CREB3L1: variants seen among roughly 807,000 people sequenced by gnomAD.
CREB3L1 encodes the protein cyclic AMP-responsive element-binding protein 3-like protein 1.
CREB3L1 carries 33 observed loss-of-function variants against 54.5 expected under a neutral mutation model. That is an observed-to-expected ratio of 0.61 (90% CI 0.46 to 0.81). The LOEUF (loss-of-function observed/expected upper bound fraction) is 0.81, where lower values mean the gene tolerates loss of function less well. CREB3L1 is among the 30% of genes least tolerant of loss of function. CREB3L1 has a pLI of 0.00. For missense variants in CREB3L1, 656 were observed against 673.3 expected (o/e 0.97, Z 0.29); for synonymous variants, 284 against 286.4 (o/e 0.99, Z 0.08).
Position 46,294,654 on chromosome 11 carries a change from A to G in CREB3L1, c.103-5281A>G, listed in dbSNP as rs571566167. On this transcript the variant is annotated intron_variant, in intron 1 of 11. Transcript: ENST00000621158. ...GTAGGAACCCCAGCTACTGGATGGC[A>G]ATGCTTAAGGACAGGGGGGTCTGCT... is the stretch of plus-strand genomic sequence containing the variant. Among the ~76,000 whole-genome samples the G allele has an allele frequency of 7.5e-5, 11 of 146,424 alleles. No individual in the cohort carries two copies. The East Asian group carries it at 1.6e-3, about 21-fold the overall frequency.
chr11:46,300,608 C>T (rs1939282705), intron 2 of CREB3L1, among the ~76,000 whole-genome samples: 1 of 152,206 alleles, frequency 6.6e-6, no homozygotes, highest in Non-Finnish European at 1.5e-5. Context: ...GTGGCTCACG[C>T]TTGTAATCCC....
chr11:46,289,892 T>A (rs1174471844), intron 1 of CREB3L1, among the ~76,000 whole-genome samples: 1 of 152,114 alleles, frequency 6.6e-6, no homozygotes, highest in Non-Finnish European at 1.5e-5. Flanking sequence ...GGTCACCAGC[T>A]CCTCTGAAGG....
At position 46,311,171 on chromosome 11, in the gene CREB3L1, A is replaced by G. The variant is rs745598774; in HGVS notation, c.735A>G (p.Pro245=). The G allele has an allele frequency of 7.2e-5, 115 of 1,587,784 alleles. No individual in the cohort carries two copies. Among genetic ancestry groups the G allele is most frequent in the Non-Finnish European group, 9.2e-5 (108 of 1,171,546 alleles). The part of the protein sequence containing the change: ...ARSSTAISTS[P]LLTAPHKLQG... ...CCTCCACGGCCATCTCCACCTCCCC[A>G]CTCCTCACTGCCCCTCACGTAAGGA... Residue 245 remains proline (P), a synonymous_variant, in exon 5 of 12, where the codon CCA becomes CCG. Transcript: ENST00000621158.
intron 1 of CREB3L1, among the ~76,000 whole-genome samples, chr11:46,290,483 C>T (rs569453759): frequency 2.6e-5 from 4 of 152,164 alleles, no homozygotes; most frequent in African/African-American, 9.6e-5. Context: ...GCCCCAAGGC[C>T]TTCACCCCTT....
chr11:46,292,244 A>G (rs934089449), intron 1 of CREB3L1, among the ~76,000 whole-genome samples: 3 of 152,192 alleles, frequency 2.0e-5, no homozygotes, highest in Admixed American at 2.0e-4. Context: ...GTCCAAACAC[A>G]TGGAAACTCT....
intron 2 of CREB3L1, 54 bp from the exon 3 acceptor site, chr11:46,307,762 C>T: frequency 7.0e-7 from 1 of 1,425,968 alleles, no homozygotes; most frequent in Non-Finnish European, 9.3e-7. Flanking sequence ...AGGGGGCAGG[C>T]AGGGGGCTGA....
At chr11:46,317,622 G>C in intron 10 of CREB3L1, 135 bp downstream of exon 10, 1 of 1,176,158 alleles carries the variant, frequency 8.5e-7, no homozygotes, top group Non-Finnish European at 1.2e-6. Flanking sequence ...TCATTTTCCA[G>C]ATGGGGAAAC....
intron 9 of CREB3L1, 78 bp from the exon 10 acceptor site, chr11:46,317,283 G>A (rs1939581753): frequency 1.3e-5 from 21 of 1,577,118 alleles, no homozygotes; most frequent in East Asian, 4.5e-5. Context: ...CTGTTGGTTT[G>A]GGAGAGGAGG....
intron 2 of CREB3L1, among the ~76,000 whole-genome samples, chr11:46,300,942 T>G (rs1336605857): frequency 6.7e-6 from 1 of 148,588 alleles, no homozygotes; most frequent in Non-Finnish European, 1.5e-5. Flanking sequence ...GAGGCGGAGC[T>G]TGCAGTGAGC....
chr11:46,307,743 G>A, intron 2 of CREB3L1, 73 bp from the exon 3 acceptor site: 1 of 1,327,952 alleles, frequency 7.5e-7, no homozygotes, highest in Non-Finnish European at 1.0e-6. Flanking sequence ...TCAGCCTAGG[G>A]TAGCTCCCAG....
At position 46,320,332 on chromosome 11, in the gene CREB3L1, C is replaced by A. The variant is rs1299304575; in HGVS notation, c.1327C>A (p.Leu443Met). The A allele has an allele frequency of 1.2e-6, 2 of 1,612,842 alleles. No individual in the cohort carries two copies. Among genetic ancestry groups the A allele is most frequent in the Non-Finnish European group, 1.7e-6 (2 of 1,179,458 alleles). The change falls in exon 11 of 12, where the codon CTG (leucine) becomes ATG (methionine). Residue 443 changes from leucine to methionine, a missense_variant. Around this residue, in one of 3 missense-constraint regions of CREB3L1, gnomAD observed 240 missense variants for 219.8 expected, o/e 1.09. Transcript: ENST00000621158. ...GLWEDGRSTL[L>M]PMEPPDGWEI... ...ATGGGAAGATGGCCGCAGCACCCTG[C>A]TGCCCATGGAGCCCCCAGATGGCTG...
At chr11:46,311,324 C>A in intron 5 of CREB3L1, 135 bp downstream of exon 5, 1 of 1,194,308 alleles carries the variant, frequency 8.4e-7, no homozygotes, top group Non-Finnish European at 1.1e-6. Context: ...GGGATGCTTA[C>A]CTGGCAGATG....
At position 46,312,690 on chromosome 11, in the gene CREB3L1, T is replaced by A. The variant is rs1590350781; in HGVS notation, c.962+20T>A. ...AAAGAAGTAAGGGGCTTGGGAGGGG[T>A]GGGCAATCCACTCCCTTGCCTGACC... On this transcript the variant is annotated intron_variant, in intron 7 of 11. Transcript: ENST00000621158. 2.6e-6 allele frequency: 4 copies of A among 1,538,086 alleles called. No homozygotes were observed. In the African/African-American group the frequency reaches 4.1e-5, roughly 16 times the overall value.
At chr11:46,289,948 G>A (rs1939107806) in intron 1 of CREB3L1, among the ~76,000 whole-genome samples, 2 of 152,196 alleles carry the variant, frequency 1.3e-5, no homozygotes, top group Admixed American at 1.3e-4. Context: ...GATCTCAGCT[G>A]TCAGCCTGTC....
In CREB3L1 at chr11:46,295,603, C is replaced by T. The variant is rs1336966426; in HGVS notation, c.103-4332C>T. ...CGGCGCAGGCCGGGACCCTCCTCCG[C>T]GCGAGCCCTGCACTCCTCCGGTGCC... On this transcript the variant is annotated intron_variant, in intron 1 of 11. Transcript: ENST00000621158. The surrounding 1 kb of genome is among the most constrained non-coding windows in gnomAD (Gnocchi z 4.6). Among the ~76,000 whole-genome samples, 1 of 152,344 alleles carries T rather than the reference C, an allele frequency of 6.6e-6. No homozygotes were observed. The highest frequency in any genetic ancestry group is 6.5e-5 in the Admixed American group (1 of 15,310).
intron 1 of CREB3L1, among the ~76,000 whole-genome samples, chr11:46,286,746 C>A (rs1484824235): frequency 6.6e-6 from 1 of 152,072 alleles, no homozygotes; most frequent in Non-Finnish European, 1.5e-5. Flanking sequence ...GATTGAACCA[C>A]TGCACTCCAG....
Position 46,305,674 on chromosome 11 carries a change from G to GTGTGTGTGTGTATATA in CREB3L1, c.332-2130_332-2115dup, listed in dbSNP as rs1368706422. On this transcript the variant is annotated intron_variant, in intron 2 of 11. Transcript: ENST00000621158. ...TGTGTATATATGTGTGTATATATAT[G>GTGTGTGTGTGTATATA]TGTGTGTGTGTATATATGTGTGTGT... 2.0e-3 allele frequency among the ~76,000 whole-genome samples: 173 copies of GTGTGTGTGTGTATATA among 87,576 alleles called. 2 individuals carry two copies. Among genetic ancestry groups the GTGTGTGTGTGTATATA allele is most frequent in the Middle Eastern group, 0.011 (2 of 184 alleles). The allele number at this position is 87,576 out of a possible 152,430, so 57.5% of individuals were successfully genotyped here. A position where few individuals can be genotyped will look rare whatever the true frequency, so the allele number is the denominator to read the frequency against.
chr11:46,289,374 A>G (rs1939101514), intron 1 of CREB3L1, among the ~76,000 whole-genome samples: 1 of 152,188 alleles, frequency 6.6e-6, no homozygotes, highest in Non-Finnish European at 1.5e-5. Flanking sequence ...GTGAGACCCC[A>G]TCTCCAAAAC....
chr11:46,316,592 C>T (rs575463385), intron 9 of CREB3L1, among the ~76,000 whole-genome samples: 9 of 152,300 alleles, frequency 5.9e-5, no homozygotes, highest in Non-Finnish European at 1.2e-4. Flanking sequence ...CACCGGTCCC[C>T]GACTGGTTAA....
Sources: allele counts gnomAD v4.1 joint callset (sites outside exome capture counted in the v4.1 genomes callset), GRCh38; gene constraint gnomAD v4.1.1; regional missense constraint gnomAD v4.1.1; non-coding constraint Gnocchi (gnomAD v3.1); transcripts MANE v1.5; gene names NCBI Gene and HGNC (gene_info 2026-07-23, HGNC 2026-07-21).